Variants in MAP2K4 observed in about 807,000 individuals in gnomAD.
The protein encoded by MAP2K4 is dual specificity mitogen-activated protein kinase kinase 4.
A neutral mutation model predicts 48.5 loss-of-function variants in MAP2K4; 4 were observed. The observed-to-expected ratio is 0.08, with a 90% CI of 0.04 to 0.19. The LOEUF (loss-of-function observed/expected upper bound fraction) is 0.19, where lower values mean the gene tolerates loss of function less well. Among genes scored for constraint, MAP2K4 ranks in the 10% least tolerant of loss-of-function variants. The pLI, the probability that MAP2K4 is intolerant of heterozygous loss-of-function variation, is 1.00. For synonymous variants in MAP2K4, 166 were observed against 173.1 expected, an observed-to-expected ratio of 0.96 and a Z score of 0.32; for missense variants, 258 against 493.3, an observed-to-expected ratio of 0.52 and a Z score of 4.52.
In MAP2K4 at chr17:12,142,849, G is replaced by A. The variant is rs1038984510; in HGVS notation, c.*1589G>A. ...GTATGACAGTGAAGCAGCACTGTGA[G>A]TGGTTCAAGCACACTGGAATATAAA... is the stretch of plus-strand genomic sequence containing the variant. On this transcript the variant is annotated 3_prime_UTR_variant, in exon 11 of 11. Coordinates refer to ENST00000353533, the MANE Select transcript of MAP2K4 (RefSeq NM_003010.4). 2.1e-5 allele frequency: 5 copies of A among 232,630 alleles called. No individual in the cohort carries two copies. Among genetic ancestry groups the A allele is most frequent in the African/African-American group, 1.1e-4 (5 of 45,322 alleles). 14.4% of individuals were successfully genotyped at this position (232,630 alleles called of 1,614,324 possible).
intron 8 of MAP2K4, among the ~76,000 whole-genome samples, chr17:12,126,241 T>G (rs1972848247): frequency 6.6e-6 from 1 of 152,176 alleles, no homozygotes; most frequent in Admixed American, 6.5e-5. Context: ...AAGTTCTACC[T>G]TAGAACAACA....
At chr17:12,121,829 C>T (rs935944874) in intron 7 of MAP2K4, among the ~76,000 whole-genome samples, 1 of 152,064 alleles carries the variant, frequency 6.6e-6, no homozygotes, top group Admixed American at 6.5e-5. Flanking sequence ...ATAATGGTTA[C>T]TATTTGTAAT....
intron 1 of MAP2K4, among the ~76,000 whole-genome samples, chr17:12,028,175 A>G (rs1184934022): frequency 2.0e-5 from 3 of 152,234 alleles, no homozygotes; most frequent in Admixed American, 6.5e-5. Flanking sequence ...TTCATTAAAC[A>G]GGCTTGAGAA....
chr17:12,023,574 C>T (rs1474263988), intron 1 of MAP2K4, among the ~76,000 whole-genome samples: 1 of 152,196 alleles, frequency 6.6e-6, no homozygotes, highest in Non-Finnish European at 1.5e-5. Flanking sequence ...AGTTGTGGAA[C>T]ATAAGGAATG....
At chr17:12,061,823 A>G (rs557546135) in intron 2 of MAP2K4, among the ~76,000 whole-genome samples, 1 of 152,202 alleles carries the variant, frequency 6.6e-6, no homozygotes, top group African/African-American at 2.4e-5. Context: ...TTATCTTTGC[A>G]GTATGTATGT....
intron 7 of MAP2K4, among the ~76,000 whole-genome samples, chr17:12,122,986 G>A (rs1567671284): frequency 6.6e-6 from 1 of 152,100 alleles, no homozygotes; most frequent in South Asian, 2.1e-4. Context: ...ACTCTACTTG[G>A]TCATGATACA....
At chr17:12,057,080 C>G (rs1044209015) in intron 2 of MAP2K4, among the ~76,000 whole-genome samples, 7 of 151,794 alleles carry the variant, frequency 4.6e-5, no homozygotes, top group Admixed American at 4.6e-4. Context: ...GATGCAGGAT[C>G]CTTTGCAAGA....
At chr17:12,086,215 T>C (rs1324559043) in intron 3 of MAP2K4, among the ~76,000 whole-genome samples, 1 of 152,202 alleles carries the variant, frequency 6.6e-6, no homozygotes, top group Non-Finnish European at 1.5e-5. Context: ...TAGTCTAATA[T>C]CTTAGGCCGT....
At chr17:12,062,651 C>T (rs982143178) in intron 2 of MAP2K4, among the ~76,000 whole-genome samples, 1 of 152,132 alleles carries the variant, frequency 6.6e-6, no homozygotes, top group African/African-American at 2.4e-5. Context: ...AAATAAATAA[C>T]CCTCATAATA....
chr17:12,128,865 T>C (rs1972941101), intron 8 of MAP2K4, among the ~76,000 whole-genome samples: 1 of 152,238 alleles, frequency 6.6e-6, no homozygotes, highest in South Asian at 2.1e-4. Context: ...GGAGCATGCA[T>C]TGTAGGGACA....
chr17:12,118,100 A>G (rs1972560052), intron 7 of MAP2K4, among the ~76,000 whole-genome samples: 1 of 152,218 alleles, frequency 6.6e-6, no homozygotes, highest in East Asian at 1.9e-4. Flanking sequence ...ACATAGCATT[A>G]ACTTTTTAAA....
intron 2 of MAP2K4, among the ~76,000 whole-genome samples, chr17:12,057,462 T>C (rs1055446187): frequency 1.3e-5 from 2 of 152,152 alleles, no homozygotes; most frequent in African/African-American, 4.8e-5. Context: ...TGGAATCTTT[T>C]AGCCTGTTTT....
At position 12,141,568 on chromosome 17, in the gene MAP2K4, C is replaced by G; in HGVS notation, c.*308C>G. The G allele has an allele frequency of 2.9e-6, 1 of 347,280 alleles. No individual in the cohort carries two copies. The highest frequency in any genetic ancestry group is 4.4e-5 in the East Asian group (1 of 22,542). The allele number at this position is 347,280 out of a possible 1,614,324, so 21.5% of individuals were successfully genotyped here. ...CTGTGATTAGATCACATCTTAAATT[C>G]ATTTCTAGACTCAAAACCTGGAGAT... On this transcript the variant is annotated 3_prime_UTR_variant, in exon 11 of 11. Transcript: ENST00000353533.
At chr17:12,036,184 C>T (rs1969593309) in intron 1 of MAP2K4, among the ~76,000 whole-genome samples, 1 of 151,774 alleles carries the variant, frequency 6.6e-6, no homozygotes, top group Non-Finnish European at 1.5e-5. Flanking sequence ...TATTTAAGAC[C>T]ATAGTGTCAT....
At chr17:12,068,942 T>A (rs1970702324) in intron 2 of MAP2K4, among the ~76,000 whole-genome samples, 1 of 152,080 alleles carries the variant, frequency 6.6e-6, no homozygotes, top group South Asian at 2.1e-4. Context: ...AGAGTGAGAA[T>A]GTATTTTGAT....
At position 12,021,068 on chromosome 17, in the gene MAP2K4, CCCAGCGGACG is replaced by C. The variant is rs940828150; in HGVS notation, c.115+70_115+79del. ...GGCAACCCGCGTCGTCGCGGCCTGC[CCCAGCGGACG>C]CCCCCGGACCCGGCTGAGGAAGCCA... On this transcript the variant is annotated intron_variant, in intron 1 of 10. Coordinates refer to ENST00000353533, the MANE Select transcript of MAP2K4 (RefSeq NM_003010.4). The C allele has an allele frequency of 8.2e-6, 8 of 971,840 alleles. No homozygotes were observed. The Admixed American group carries it at 3.6e-4, about 44-fold the overall frequency. The allele number at this position is 971,840 out of a possible 1,614,324, so 60.2% of individuals were successfully genotyped here.
intron 9 of MAP2K4, among the ~76,000 whole-genome samples, 185 bp downstream of exon 9, chr17:12,129,472 A>G (rs1447056574): frequency 6.6e-6 from 1 of 152,186 alleles, no homozygotes; most frequent in Non-Finnish European, 1.5e-5. Context: ...GAGAGGCATC[A>G]CCTTCTTATT....
At chr17:12,041,056 T>C (rs931224696) in intron 1 of MAP2K4, among the ~76,000 whole-genome samples, 3 of 152,388 alleles carry the variant, frequency 2.0e-5, no homozygotes, top group Non-Finnish European at 4.4e-5. Context: ...ATGAAGTAGA[T>C]AGAATGCAGC....
intron 6 of MAP2K4, 147 bp from the exon 7 acceptor site, chr17:12,113,086 T>C (rs1172730834): frequency 3.6e-6 from 2 of 560,806 alleles, no homozygotes; most frequent in African/African-American, 3.7e-5. Flanking sequence ...ATGTGATAAA[T>C]GAAGATGTTT....
Sources: allele counts gnomAD v4.1 joint callset (sites outside exome capture counted in the v4.1 genomes callset), GRCh38; gene constraint gnomAD v4.1.1; transcripts MANE v1.5; gene names NCBI Gene and HGNC (gene_info 2026-07-23, HGNC 2026-07-21).